Variants in TOMM20L observed in about 807,000 individuals in gnomAD.
TOMM20L encodes TOMM20-like protein 1.
In TOMM20L, 19 loss-of-function variants were observed where a neutral mutation model predicts 20.4. The observed-to-expected ratio is 0.93, with a 90% CI of 0.65 to 1.36. TOMM20L has a LOEUF of 1.36. Ranked by LOEUF, TOMM20L falls within the 40% of genes most tolerant of loss-of-function variation. The pLI is 0.00. For missense variants in TOMM20L, 218 were observed against 203.7 expected (o/e 1.07, Z -0.43); for synonymous variants, 75 against 79.6 (o/e 0.94, Z 0.30).
rs960708043 is a variant in TOMM20L, at chr14:58,396,047, C to A, written c.90C>A (p.Asn30Lys). 1 of 1,425,178 alleles carries A rather than the reference C, an allele frequency of 7.0e-7. No homozygotes were observed. The highest frequency in any genetic ancestry group is 1.5e-5 in the African/African-American group (1 of 67,522). The allele number at this position is 1,425,178 out of a possible 1,614,324, so 88.3% of individuals were successfully genotyped here. ...FAFLGYCIYL[N>K]RKRRGDPAFK... ...TCCTGGGCTATTGTATTTACCTCAA[C>A]CGGAAGCGGCGCGGGGACCCCGCGT... is the stretch of plus-strand genomic sequence containing the variant. The change falls in exon 1 of 5, where the codon AAC becomes AAA. Residue 30 changes from asparagine (N) to lysine (K), a missense_variant. Transcript: ENST00000360945.
downstream of TOMM20L, chr14:58,408,786 C>G (rs1409641393): frequency 1.5e-6 from 1 of 683,104 alleles, no homozygotes; most frequent in African/African-American, 1.9e-5. Context: ...AGTGACCAAG[C>G]TGCTGAATCA....
In TOMM20L at chr14:58,402,738, T is replaced by C; in HGVS notation, c.239T>C (p.Met80Thr). Residue 80 changes from methionine to threonine, a missense_variant, in exon 3 of 5, where the codon ATG (methionine) becomes ACG (threonine). Met to Thr is a moderately conservative substitution (Grantham distance 81). Transcript: ENST00000360945. Reference protein sequence around the residue: ...LQELFLQEVRMGELWLSRGEH... With the variant: ...LQELFLQEVRTGELWLSRGEH... ...GAACTTTTCTTGCAAGAGGTACGGATGGGAGAACTTTGGTTATCTAGAGGT... is the reference window on the plus strand; with the variant it reads ...GAACTTTTCTTGCAAGAGGTACGGACGGGAGAACTTTGGTTATCTAGAGGT... The C allele has an allele frequency of 1.9e-6, 3 of 1,613,600 alleles. No homozygotes were observed. The highest frequency in any genetic ancestry group is 2.5e-6 in the Non-Finnish European group (3 of 1,179,628).
rs761934084 is a variant in TOMM20L, at chr14:58,395,971, G to C, written c.14G>C (p.Arg5Pro). 1 of 1,445,738 alleles carries C rather than the reference G, an allele frequency of 6.9e-7. No homozygotes were observed. The highest frequency in any genetic ancestry group is 9.2e-7 in the Non-Finnish European group (1 of 1,092,142). The allele number at this position is 1,445,738 out of a possible 1,614,324, so 89.6% of individuals were successfully genotyped here. ...GCCCGCGGTCGGATGCCCTCCGTCCGCTCCCTCCTCCGCCTCTTGGCCGCC... is the reference window on the plus strand; with the variant it reads ...GCCCGCGGTCGGATGCCCTCCGTCCCCTCCCTCCTCCGCCTCTTGGCCGCC... MPSVRSLLRLLAAAA... is the reference protein window; with the variant it reads MPSVPSLLRLLAAAA... The change falls in exon 1 of 5, where the codon CGC (arginine) becomes CCC (proline). Residue 5 changes from arginine (R) to proline (P), a missense_variant. Transcript: ENST00000360945.
chr14:58,404,261 C>T (rs1474263192), intron 3 of TOMM20L, among the ~76,000 whole-genome samples: 1 of 140,512 alleles, frequency 7.1e-6, no homozygotes, highest in East Asian at 2.1e-4. Flanking sequence ...TCCCAAGTAG[C>T]TGGGACTACA....
chr14:58,412,990 C>G (rs1019128866), downstream of TOMM20L, among the ~76,000 whole-genome samples: 2 of 152,074 alleles, frequency 1.3e-5, no homozygotes, highest in Admixed American at 1.3e-4. Context: ...AACTATTCCA[C>G]TAGTCACCAA....
In TOMM20L at chr14:58,396,020, C is replaced by G. The variant is rs754576577; in HGVS notation, c.63C>G (p.Ala21=). Residue 21 remains alanine, a synonymous_variant, in exon 1 of 5, where the codon GCC becomes GCG. Transcript: ENST00000360945. ...CCGCGGCGGCCTGTGGCGCCTTCGC[C>G]TTCCTGGGCTATTGTATTTACCTCA... ...LAAAAACGAF[A]FLGYCIYLNR... The G allele has an allele frequency of 6.9e-7, 1 of 1,452,002 alleles. No homozygotes were observed. The highest frequency in any genetic ancestry group is 9.1e-7 in the Non-Finnish European group (1 of 1,097,074). The allele number at this position is 1,452,002 out of a possible 1,614,324, so 89.9% of individuals were successfully genotyped here. A position where few individuals can be genotyped will look rare whatever the true frequency, so the allele number is the denominator to read the frequency against.
chr14:58,409,343 G>C (rs1357596976), downstream of TOMM20L, among the ~76,000 whole-genome samples: 1 of 152,082 alleles, frequency 6.6e-6, no homozygotes, highest in Non-Finnish European at 1.5e-5. Context: ...TTCATTCACT[G>C]ACAAGCATTA....
chr14:58,396,818 G>A (rs568182904), intron 2 of TOMM20L, among the ~76,000 whole-genome samples: 3 of 152,352 alleles, frequency 2.0e-5, no homozygotes, highest in South Asian at 4.1e-4. Flanking sequence ...AGGCGGGCCG[G>A]GCTTGGTGGC....
chr14:58,403,115 G>T (rs536633212), intron 3 of TOMM20L, among the ~76,000 whole-genome samples: 3 of 152,288 alleles, frequency 2.0e-5, no homozygotes, highest in African/African-American at 7.2e-5. Context: ...CCAACACTTT[G>T]GGAGGCCAAG....
Position 58,407,396 on chromosome 14 carries a change from G to C in TOMM20L, c.333G>C (p.Leu111=). Residue 111 remains leucine (L), a synonymous_variant, in exon 4 of 5, where the codon CTG becomes CTC. Transcript: ENST00000360945. ...TGTGCGAGCAACCACGGGAACTTCT[G>C]AAAGTTTTCAAACACACTCTCCCTC... ...LLVCEQPREL[L]KVFKHTLPPK... is the part of the protein sequence containing the mutation. 2 of 1,613,912 alleles carry C rather than the reference G, an allele frequency of 1.2e-6. No individual in the cohort carries two copies. The highest frequency in any genetic ancestry group is 1.7e-6 in the Non-Finnish European group (2 of 1,179,934).
the TOMM20L span, among the ~76,000 whole-genome samples, chr14:58,415,116 G>T: frequency 6.6e-6 from 1 of 152,308 alleles, no homozygotes; most frequent in Admixed American, 6.5e-5. Flanking sequence ...ACTCCACCTA[G>T]CAGTAACAAG....
chr14:58,409,665 G>A (rs888294631), downstream of TOMM20L, among the ~76,000 whole-genome samples: 6 of 151,968 alleles, frequency 3.9e-5, no homozygotes, highest in Non-Finnish European at 5.9e-5. Context: ...TGCAAGCTCC[G>A]CCTCCTGAGT....
chr14:58,402,694 G>A lies in TOMM20L; in HGVS notation c.195G>A (p.Thr65=), dbSNP rs529617355. 13 of 1,613,390 alleles carry A rather than the reference G, an allele frequency of 8.1e-6. No homozygotes were observed. The highest frequency in any genetic ancestry group is 6.6e-5 in the South Asian group (6 of 91,058). Residue 65 remains threonine (T), a synonymous_variant, in exon 3 of 5, where the codon ACG becomes ACA. Transcript: ENST00000360945. ...EEQGTQLWDP[T]KNKKLQELFL... ...GAATATTTTAGTTGTGGGATCCAACGAAGAATAAAAAGTTGCAAGAACTTT... is the reference window on the plus strand; with the variant it reads ...GAATATTTTAGTTGTGGGATCCAACAAAGAATAAAAAGTTGCAAGAACTTT...
chr14:58,412,613 A>T (rs540087047), downstream of TOMM20L, among the ~76,000 whole-genome samples: 28 of 152,222 alleles, frequency 1.8e-4, no homozygotes, highest in South Asian at 6.2e-4. Flanking sequence ...AAAAATAATT[A>T]AAAAAAGCTG....
At chr14:58,411,873 G>A, downstream of TOMM20L, 1 of 1,603,720 alleles carries the variant, frequency 6.2e-7, no homozygotes, top group African/African-American at 1.3e-5. Context: ...ACATTTTTTT[G>A]CAAAATCTTT....
intron 2 of TOMM20L, among the ~76,000 whole-genome samples, chr14:58,401,158 G>A (rs2035988099): frequency 6.6e-6 from 1 of 152,274 alleles, no homozygotes; most frequent in East Asian, 1.9e-4. Context: ...AGGGGTCTTG[G>A]TCTCCAATTC....
At position 58,402,837 on chromosome 14, in the gene TOMM20L, T is replaced by C. The variant is rs1334543141; in HGVS notation, c.262+76T>C. On this transcript the variant is annotated intron_variant, in intron 3 of 4. Transcript: ENST00000360945. ...ATATTTATTGATTAGTATTTGTATG[T>C]CAAATAACTAGCTGGATGTGTTAGC... 11 of 1,113,686 alleles carry C rather than the reference T, an allele frequency of 9.9e-6. No homozygotes were observed. In the Admixed American group the frequency reaches 2.1e-4, roughly 21 times the overall value. 69.0% of individuals were successfully genotyped at this position (1,113,686 alleles called of 1,614,324 possible).
intron 3 of TOMM20L, among the ~76,000 whole-genome samples, chr14:58,405,166 C>T (rs1033929520): frequency 3.3e-5 from 5 of 152,118 alleles, no homozygotes; most frequent in African/African-American, 1.2e-4. Context: ...CAGGGTTTCA[C>T]CATGTTGGTC....
chr14:58,410,770 A>T, downstream of TOMM20L: 1 of 1,029,838 alleles, frequency 9.7e-7, no homozygotes, highest in Non-Finnish European at 1.4e-6. Context: ...GGAACAAGTG[A>T]AATGCTTAAG....
Sources: gnomAD v4.1 joint callset for allele counts (sites outside exome capture counted in the v4.1 genomes callset) on GRCh38, gnomAD v4.1.1 for gene constraint, MANE v1.5 for transcripts, NCBI Gene and HGNC (gene_info 2026-07-23, HGNC 2026-07-21) for gene names.